SUSD3: variants seen among roughly 807,000 people sequenced by gnomAD.
SUSD3 encodes the protein sushi domain-containing protein 3.
Under a neutral mutation model 20.6 loss-of-function variants are expected in SUSD3, and 18 were observed. The ratio of observed to expected loss-of-function variants is 0.87; its 90% confidence interval spans 0.60 to 1.30. The LOEUF (loss-of-function observed/expected upper bound fraction) is 1.30, where lower values mean the gene tolerates loss of function less well. SUSD3 is among the 50% of genes most tolerant of loss of function. The pLI, the probability that SUSD3 is intolerant of heterozygous loss-of-function variation, is 0.00. For synonymous variants in SUSD3, 137 were observed against 141.5 expected (o/e 0.97, Z 0.23); for missense variants, 306 against 346.9 (o/e 0.88, Z 0.94).
At chr9:93,081,039 C>G (rs1826392813) in intron 4 of SUSD3, among the ~76,000 whole-genome samples, 1 of 152,222 alleles carries the variant, frequency 6.6e-6, no homozygotes, top group Non-Finnish European at 1.5e-5. Context: ...GCCAGGCAAC[C>G]TCATTCATGC....
intron 1 of SUSD3, among the ~76,000 whole-genome samples, chr9:93,061,318 G>A (rs1746842957): frequency 6.6e-6 from 1 of 152,236 alleles, no homozygotes; most frequent in South Asian, 2.1e-4. Flanking sequence ...CTGAGACCCC[G>A]TGAATGCATG....
At chr9:93,061,341 C>T (rs1825498378) in intron 1 of SUSD3, among the ~76,000 whole-genome samples, 1 of 152,248 alleles carries the variant, frequency 6.6e-6, no homozygotes, top group South Asian at 2.1e-4. Flanking sequence ...TAAATCAAAG[C>T]AAGGCAGACA....
In SUSD3 at chr9:93,065,438, C is replaced by T. The variant is rs1311715469; in HGVS notation, c.88+6608C>T. On this transcript the variant is annotated intron_variant, in intron 1 of 4. Coordinates refer to ENST00000375472, the MANE Select transcript of SUSD3 (RefSeq NM_145006.4). ...TGCTGGACACACTCACCCTCGCCAA[C>T]CTCTCCTCCCATCCGCCAACGGCTA... Among the ~76,000 whole-genome samples, 4 of 152,368 alleles carry T rather than the reference C, an allele frequency of 2.6e-5. 1 individual carries two copies. The highest frequency in any genetic ancestry group is 6.8e-3 in the Middle Eastern group (2 of 294).
chr9:93,059,659 CGG>C (rs1164565090), intron 1 of SUSD3, among the ~76,000 whole-genome samples: 1 of 152,116 alleles, frequency 6.6e-6, no homozygotes, highest in Non-Finnish European at 1.5e-5. Context: ...TCAGGCGTTG[CGG>C]GGCTAAGGCT....
intron 4 of SUSD3, 62 bp downstream of exon 4, chr9:93,079,664 C>A: frequency 2.5e-6 from 4 of 1,575,318 alleles, no homozygotes; most frequent in East Asian, 2.3e-5. Flanking sequence ...GGTCAGGCCC[C>A]GGGCCACCTG....
chr9:93,062,118 C>G (rs1163060897), intron 1 of SUSD3, among the ~76,000 whole-genome samples: 1 of 152,178 alleles, frequency 6.6e-6, no homozygotes, highest in Non-Finnish European at 1.5e-5. Flanking sequence ...CAGGCTTGGC[C>G]CCCTCCGTAC....
At chr9:93,083,321 T>G (rs184711870) in intron 4 of SUSD3, among the ~76,000 whole-genome samples, 1 of 152,296 alleles carries the variant, frequency 6.6e-6, no homozygotes, top group East Asian at 1.9e-4. Flanking sequence ...ACAAAGCCGA[T>G]GGAGGCAGAG....
At chr9:93,078,443 G>A (rs917812821) in intron 3 of SUSD3, among the ~76,000 whole-genome samples, 1 of 152,056 alleles carries the variant, frequency 6.6e-6, no homozygotes, top group African/African-American at 2.4e-5. Context: ...TATTTTTAGT[G>A]GAGATGGGGT....
intron 4 of SUSD3, among the ~76,000 whole-genome samples, chr9:93,080,336 A>C (rs921742403): frequency 1.3e-4 from 19 of 151,622 alleles, no homozygotes; most frequent in South Asian, 2.1e-4. Flanking sequence ...AAAAAAAAAA[A>C]AAAACAAAAC....
intron 1 of SUSD3, 114 bp downstream of exon 1, chr9:93,058,944 C>A: frequency 1.8e-6 from 1 of 566,548 alleles, no homozygotes; most frequent in Non-Finnish European, 2.7e-6. Flanking sequence ...GCCACAGCAA[C>A]GATCTGCCCC....
At chr9:93,075,000 C>CTGTA (rs1464207954) in intron 1 of SUSD3, among the ~76,000 whole-genome samples, 3 of 152,210 alleles carry the variant, frequency 2.0e-5, no homozygotes, top group Non-Finnish European at 4.4e-5. Context: ...AAGGTTGGAT[C>CTGTA]TGTACCCCAG....
chr9:93,080,313 C>T (rs141348646), intron 4 of SUSD3, among the ~76,000 whole-genome samples: 2,098 of 125,120 alleles, frequency 0.017, 54 homozygotes, highest in African/African-American at 0.063. Flanking sequence ...AGCGAGACTC[C>T]GTCTCAAAAA....
rs1305872901 is a variant in SUSD3, at chr9:93,084,591, G to A, written c.612G>A (p.Lys204=). 3.1e-6 allele frequency: 5 copies of A among 1,604,848 alleles called. No homozygotes were observed. Among genetic ancestry groups the A allele is most frequent in the Non-Finnish European group, 2.6e-6 (3 of 1,175,684 alleles). ...CCAGTGTGACCCGCAGCGTGGACAA[G>A]GACCCTGGGATCCCCAGAGCTCTAA... ...KLASVTRSVD[K]DPGIPRALSL... The change falls in exon 5 of 5, where the codon AAG becomes AAA. Residue 204 remains lysine, a synonymous_variant. Coordinates refer to ENST00000375472, the MANE Select transcript of SUSD3 (RefSeq NM_145006.4).
At chr9:93,077,705 A>T in intron 2 of SUSD3, 141 bp from the exon 3 acceptor site, 1 of 784,340 alleles carries the variant, frequency 1.3e-6, no homozygotes, top group Non-Finnish European at 2.0e-6. Flanking sequence ...CCCCCTTACC[A>T]TGCAAACAGG....
chr9:93,067,782 G>A (rs1351074891), intron 1 of SUSD3, among the ~76,000 whole-genome samples: 1 of 152,040 alleles, frequency 6.6e-6, no homozygotes, highest in Admixed American at 6.6e-5. Flanking sequence ...AGTTTTAGTC[G>A]AGACAGAGTT....
intron 4 of SUSD3, 128 bp from the exon 5 acceptor site, chr9:93,084,409 G>T (rs1826558679): frequency 2.5e-6 from 2 of 789,360 alleles, no homozygotes; most frequent in Non-Finnish European, 3.8e-6. Context: ...GAGGAAACGG[G>T]CTCCCCAGTG....
chr9:93,072,093 A>G (rs1825933292), intron 1 of SUSD3, among the ~76,000 whole-genome samples: 2 of 152,058 alleles, frequency 1.3e-5, no homozygotes, highest in East Asian at 1.9e-4. Flanking sequence ...TACAGCACCC[A>G]TTAGGCCCCC....
At chr9:93,072,239 C>T (rs530930611) in intron 1 of SUSD3, among the ~76,000 whole-genome samples, 37 of 152,276 alleles carry the variant, frequency 2.4e-4, no homozygotes, top group Admixed American at 9.8e-4. Flanking sequence ...CCTCCCAAAG[C>T]GGTGGGGCAT....
intron 1 of SUSD3, among the ~76,000 whole-genome samples, chr9:93,070,061 G>A (rs1387657706): frequency 6.6e-6 from 1 of 152,164 alleles, no homozygotes; most frequent in African/African-American, 2.4e-5. Flanking sequence ...TTACAGGCAT[G>A]AGCCACCATG....
Sources: allele counts gnomAD v4.1 joint callset (sites outside exome capture counted in the v4.1 genomes callset), GRCh38; gene constraint gnomAD v4.1.1; transcripts MANE v1.5; gene names NCBI Gene and HGNC (gene_info 2026-07-23, HGNC 2026-07-21).